The following IGF2BP2 variants were observed in gnomAD, a reference collection of about 807,000 sequenced individuals.
IGF2BP2 encodes the protein insulin like growth factor 2 mRNA binding protein 2, also known as insulin-like growth factor 2 mRNA-binding protein 2.
In IGF2BP2, 17 loss-of-function variants were observed where a neutral mutation model predicts 75.8. The ratio of observed to expected loss-of-function variants is 0.22; its 90% CI spans 0.15 to 0.34. The LOEUF (loss-of-function observed/expected upper bound fraction) is 0.34. IGF2BP2 is among the 10% of genes least tolerant of loss of function. The probability of loss-of-function intolerance (pLI) is 1.00; values close to 1 mark genes in which losing one functional copy is unlikely to be tolerated. For missense variants in IGF2BP2, 516 were observed against 772.4 expected (o/e 0.67, Z 3.93); for synonymous variants, 288 against 295.6 (o/e 0.97, Z 0.26).
intron 2 of IGF2BP2, among the ~76,000 whole-genome samples, chr3:185,732,818 G>A (rs577403066): frequency 5.3e-5 from 8 of 152,326 alleles, no homozygotes; most frequent in South Asian, 4.1e-4. Flanking sequence ...AGCAATGTGT[G>A]GGAATAAAGG....
intron 2 of IGF2BP2, among the ~76,000 whole-genome samples, chr3:185,726,189 A>G (rs759801472): frequency 1.3e-5 from 2 of 152,130 alleles, no homozygotes; most frequent in Non-Finnish European, 2.9e-5. Flanking sequence ...TGCTACAGAG[A>G]GGTGAAAGAG....
At chr3:185,759,785 A>AG (rs1732113093) in intron 2 of IGF2BP2, among the ~76,000 whole-genome samples, 1 of 152,264 alleles carries the variant, frequency 6.6e-6, no homozygotes, top group Admixed American at 6.5e-5. Context: ...CTCATGAGCA[A>AG]GGACTCTGGC....
At chr3:185,666,772 A>T (rs1424674777) in intron 10 of IGF2BP2, among the ~76,000 whole-genome samples, 2 of 152,230 alleles carry the variant, frequency 1.3e-5, no homozygotes, top group Non-Finnish European at 2.9e-5. Flanking sequence ...GTGGAAAAAA[A>T]TGTGTATTTT....
intron 2 of IGF2BP2, chr3:185,716,849 C>T (rs1455582711): frequency 2.0e-6 from 1 of 506,592 alleles, no homozygotes; most frequent in Non-Finnish European, 3.9e-6. Flanking sequence ...GATCAGAGCT[C>T]CGACAGCCCT....
At chr3:185,728,075 G>A (rs768140916) in intron 2 of IGF2BP2, among the ~76,000 whole-genome samples, 6 of 152,172 alleles carry the variant, frequency 3.9e-5, no homozygotes, top group East Asian at 3.8e-4. Flanking sequence ...GGGCACTTCC[G>A]TTACGTATAC....
chr3:185,824,625 C>T (rs1021993278), intron 1 of IGF2BP2, among the ~76,000 whole-genome samples, 158 bp downstream of exon 1: 2 of 151,716 alleles, frequency 1.3e-5, no homozygotes, highest in African/African-American at 4.8e-5. Flanking sequence ...GTCCCAGGAG[C>T]GGGCCGGCGG....
chr3:185,698,286 G>A lies in IGF2BP2; in HGVS notation c.288+13C>T. On this transcript the variant is annotated intron_variant, in intron 3 of 15. Coordinates refer to ENST00000382199, the MANE Select transcript of IGF2BP2 (RefSeq NM_006548.6). ...ATGTCTCATCAACCCATTAAAAATT[G>A]ACACTGGCTTACCTCCCACTGCAGG... 1.9e-6 allele frequency: 3 copies of A among 1,611,276 alleles called. No individual in the cohort carries two copies. The highest frequency in any genetic ancestry group is 2.2e-5 in the South Asian group (2 of 90,970).
Position 185,645,486 on chromosome 3 carries a change from G to C in IGF2BP2, c.*45C>G, listed in dbSNP as rs753886936. ...TTTGGTCTCATTCTGTCAGGTGTTG[G>C]AAGGGCTACATTCATCCGTTGTTTT... On this transcript the variant is annotated 3_prime_UTR_variant, in exon 16 of 16. Transcript: ENST00000382199. This position sits in a 1 kb window ranked among gnomAD's most constrained non-coding sequence, Gnocchi z 4.9. The C allele has an allele frequency of 7.5e-7, 1 of 1,341,166 alleles. No homozygotes were observed. Among genetic ancestry groups the C allele is most frequent in the South Asian group, 1.2e-5 (1 of 85,602 alleles). 83.1% of individuals were successfully genotyped at this position (1,341,166 alleles called of 1,614,324 possible). A position where few individuals can be genotyped will look rare whatever the true frequency, so the allele number is the denominator to read the frequency against.
chr3:185,667,944 T>C (rs1297798823), intron 10 of IGF2BP2, among the ~76,000 whole-genome samples: 1 of 152,248 alleles, frequency 6.6e-6, no homozygotes, highest in East Asian at 1.9e-4. Context: ...GACATGGATA[T>C]TGTTTTCTCA....
At chr3:185,777,401 G>GTA (rs1578267233) in intron 2 of IGF2BP2, among the ~76,000 whole-genome samples, 2 of 152,258 alleles carry the variant, frequency 1.3e-5, no homozygotes, top group East Asian at 3.9e-4. Context: ...CTATTCAGGA[G>GTA]GATGGCTTGG....
intron 9 of IGF2BP2, among the ~76,000 whole-genome samples, chr3:185,673,989 T>C (rs1016311130): frequency 6.6e-6 from 1 of 152,108 alleles, no homozygotes; most frequent in Non-Finnish European, 1.5e-5. Context: ...TATCCAAACA[T>C]GGGGAGAAGA....
chr3:185,761,285 G>A (rs1225616255), intron 2 of IGF2BP2, among the ~76,000 whole-genome samples: 2 of 152,202 alleles, frequency 1.3e-5, no homozygotes, highest in Non-Finnish European at 2.9e-5. Flanking sequence ...CAGGATCAGT[G>A]AAGGAAATGT....
In IGF2BP2 at chr3:185,794,076, G is replaced by A. The variant is rs143694990; in HGVS notation, c.239+29077C>T. ...GGGCTCAAGCAATCCTCCCGCCTCA[G>A]CCTCTCAAGCAGCTGAGACTACAGG... On this transcript the variant is annotated intron_variant, in intron 2 of 15. Coordinates refer to ENST00000382199, the MANE Select transcript of IGF2BP2 (RefSeq NM_006548.6). 2.2e-3 allele frequency among the ~76,000 whole-genome samples: 331 copies of A among 150,926 alleles called. 1 individual carries two copies. The highest frequency in any genetic ancestry group is 7.8e-3 in the African/African-American group (322 of 41,024).
intron 2 of IGF2BP2, among the ~76,000 whole-genome samples, chr3:185,771,002 T>C (rs1182696773): frequency 1.3e-5 from 2 of 152,278 alleles, no homozygotes; most frequent in African/African-American, 4.8e-5. Flanking sequence ...CTTCCCACCT[T>C]GGCTACCCAA....
intron 2 of IGF2BP2, among the ~76,000 whole-genome samples, chr3:185,797,427 C>G (rs1217152395): frequency 6.6e-6 from 1 of 152,214 alleles, no homozygotes; most frequent in Non-Finnish European, 1.5e-5. Context: ...AATTTGGACA[C>G]CCCAAAGAGA....
intron 2 of IGF2BP2, among the ~76,000 whole-genome samples, chr3:185,723,227 G>C (rs1428018858): frequency 6.6e-6 from 1 of 152,106 alleles, no homozygotes; most frequent in Non-Finnish European, 1.5e-5. Flanking sequence ...TACGCAAACA[G>C]CTAAGTTTCT....
intron 10 of IGF2BP2, among the ~76,000 whole-genome samples, chr3:185,670,460 C>A (rs1024796959): frequency 1.3e-5 from 2 of 152,108 alleles, no homozygotes; most frequent in African/African-American, 4.8e-5. Flanking sequence ...ATATAAACAG[C>A]CATGGCTGTG....
At chr3:185,803,252 G>T (rs773719441) in intron 2 of IGF2BP2, among the ~76,000 whole-genome samples, 1 of 152,206 alleles carries the variant, frequency 6.6e-6, no homozygotes, top group African/African-American at 2.4e-5. Flanking sequence ...TTAGGAGGCT[G>T]AGGCAGGATA....
chr3:185,736,046 C>G (rs1317762453), intron 2 of IGF2BP2, among the ~76,000 whole-genome samples: 3 of 152,196 alleles, frequency 2.0e-5, no homozygotes, highest in Non-Finnish European at 4.4e-5. Flanking sequence ...CACCCTCCCT[C>G]TCAGAGTTTT....
Sources: gnomAD v4.1 joint callset for allele counts (sites outside exome capture counted in the v4.1 genomes callset) on GRCh38, gnomAD v4.1.1 for gene constraint, Gnocchi (gnomAD v3.1) non-coding constraint, MANE v1.5 for transcripts, NCBI Gene and HGNC (gene_info 2026-07-23, HGNC 2026-07-21) for gene names.